The following C1orf21 variants were observed in gnomAD, a reference collection of about 807,000 sequenced individuals.
C1orf21 encodes the protein chromosome 1 open reading frame 21, also known as uncharacterized protein C1orf21.
Under a neutral mutation model 18.7 loss-of-function variants are expected in C1orf21, and 3 were observed. The ratio of observed to expected loss-of-function variants is 0.16; its 90% confidence interval spans 0.07 to 0.42. The LOEUF (loss-of-function observed/expected upper bound fraction) is 0.42. C1orf21 is among the 10% of genes least tolerant of loss of function. The pLI, the probability that C1orf21 is intolerant of heterozygous loss-of-function variation, is 0.99. For missense variants in C1orf21, 104 were observed against 143.6 expected, an observed-to-expected ratio of 0.72 and a Z score of 1.41; for synonymous variants, 41 against 46.4, an observed-to-expected ratio of 0.88 and a Z score of 0.47.
chr1:184,603,292 A>T (rs1288472326), intron 5 of C1orf21, among the ~76,000 whole-genome samples: 1 of 152,210 alleles, frequency 6.6e-6, no homozygotes, highest in East Asian at 1.9e-4. Flanking sequence ...ATGCAAACTC[A>T]TTCTTCTTCC....
intron 4 of C1orf21, among the ~76,000 whole-genome samples, chr1:184,596,974 C>T (rs142052288): frequency 6.6e-6 from 1 of 151,968 alleles, no homozygotes; most frequent in African/African-American, 2.4e-5. Flanking sequence ...TTGCATCCAA[C>T]GTGGCTCAAA....
intron 5 of C1orf21, among the ~76,000 whole-genome samples, chr1:184,619,237 G>C (rs1659878339): frequency 6.6e-6 from 1 of 152,164 alleles, no homozygotes; most frequent in African/African-American, 2.4e-5. Context: ...CTTAGTGAAA[G>C]GCTGACTCTT....
rs1655906472 is a variant in C1orf21 at position 184,387,547 on chromosome 1, C to T, written c.-125+179C>T. Among the ~76,000 whole-genome samples, 1 of 151,348 alleles carries T rather than the reference C, an allele frequency of 6.6e-6. No individual in the cohort carries two copies. The highest frequency in any genetic ancestry group is 6.6e-5 in the Admixed American group (1 of 15,208). On this transcript the variant is annotated intron_variant, in intron 1 of 5. Transcript: ENST00000235307. This position sits in a 1 kb window ranked among gnomAD's most constrained non-coding sequence, Gnocchi z 5.6. ...CTGCGCGGGGCCCGGGCCGGGGCTG[C>T]TGCTGGTGCGGGGCTGGCGGGGTTG...
intron 3 of C1orf21, among the ~76,000 whole-genome samples, chr1:184,563,501 A>G (rs1658993955): frequency 6.6e-6 from 1 of 152,202 alleles, no homozygotes; most frequent in Non-Finnish European, 1.5e-5. Flanking sequence ...AAATTGTTCA[A>G]CAGCTCCCCC....
chr1:184,416,896 A>G (rs574418951), intron 1 of C1orf21, among the ~76,000 whole-genome samples: 7 of 152,338 alleles, frequency 4.6e-5, no homozygotes, highest in African/African-American at 1.7e-4. Context: ...AAAATTCCTG[A>G]CACATTTGTT....
intron 2 of C1orf21, among the ~76,000 whole-genome samples, chr1:184,487,749 C>T (rs752198237): frequency 5.9e-5 from 9 of 152,204 alleles, no homozygotes; most frequent in East Asian, 1.9e-4. Context: ...CAGATCCTGG[C>T]TCGGCTACTC....
chr1:184,627,450 C>A lies in C1orf21; in HGVS notation c.*7894C>A, dbSNP rs7535067. ...GACAGTTCCCCTGAGAGGCTGGAGG[C>A]GTTGGTGCTGAAGGCAATTTTCCTA... On this transcript the variant is annotated 3_prime_UTR_variant, in exon 6 of 6. Transcript: ENST00000235307. 33,077 of 152,056 alleles carry A rather than the reference C, an allele frequency of 0.22. 4,392 individuals carry two copies. Among genetic ancestry groups the A allele is most frequent in the African/African-American group, 0.37 (15,140 of 41,376 alleles). The allele number at this position is 152,056 out of a possible 1,614,324, so 9.4% of individuals were successfully genotyped here. A position where few individuals can be genotyped will look rare whatever the true frequency, so the allele number is the denominator to read the frequency against.
intron 3 of C1orf21, among the ~76,000 whole-genome samples, chr1:184,512,888 T>C (rs1027717134): frequency 6.6e-6 from 1 of 152,186 alleles, no homozygotes; most frequent in African/African-American, 2.4e-5. Context: ...AAGCTTCATC[T>C]GTATTTGCAT....
At chr1:184,418,945 C>A (rs530669744) in intron 1 of C1orf21, among the ~76,000 whole-genome samples, 115 of 152,142 alleles carry the variant, frequency 7.6e-4, no homozygotes, top group Non-Finnish European at 1.5e-3. Context: ...AGTACAGCTT[C>A]TTTTTTGTGT....
At chr1:184,564,645 A>G (rs945787132) in intron 3 of C1orf21, among the ~76,000 whole-genome samples, 49 of 152,184 alleles carry the variant, frequency 3.2e-4, no homozygotes, top group African/African-American at 1.2e-3. Flanking sequence ...ACAGGAGACA[A>G]TAATACTATA....
chr1:184,586,149 ATTG>A (rs1254645626), intron 3 of C1orf21, among the ~76,000 whole-genome samples: 4 of 152,166 alleles, frequency 2.6e-5, no homozygotes, highest in Non-Finnish European at 1.5e-5. Flanking sequence ...AGCCATTCTG[ATTG>A]ATATGAGATA....
rs967722505 is a variant in C1orf21 at position 184,610,803 on chromosome 1, G to A, written c.328-8715G>A. Among the ~76,000 whole-genome samples, 9 of 146,434 alleles carry A rather than the reference G, an allele frequency of 6.1e-5. 1 individual carries two copies. Among genetic ancestry groups the A allele is most frequent in the South Asian group, 4.3e-4 (2 of 4,630 alleles). ...GCGGAGCTTGTAGTGAGCCGAGATC[G>A]CCCACTGCACTCCAGCCTGAGCAAC... On this transcript the variant is annotated intron_variant, in intron 5 of 5. Coordinates refer to ENST00000235307, the MANE Select transcript of C1orf21 (RefSeq NM_030806.4).
chr1:184,530,738 C>A (rs1269943772), intron 3 of C1orf21, among the ~76,000 whole-genome samples: 3 of 151,476 alleles, frequency 2.0e-5, no homozygotes, highest in Non-Finnish European at 4.4e-5. Context: ...TTTTATTCAG[C>A]AACTATCCTA....
At chr1:184,404,557 C>T (rs1656215756) in intron 1 of C1orf21, among the ~76,000 whole-genome samples, 1 of 152,080 alleles carries the variant, frequency 6.6e-6, no homozygotes, top group South Asian at 2.1e-4. Context: ...CCAATTCTAC[C>T]CATGAGAGTA....
rs144545354 is a variant in C1orf21, at chr1:184,428,102, G to T, written c.-125+40734G>T. ...GATGATAATAGACCCCACTTCAGTG[G>T]GTGTTGTGAGGTATCAGTACCTTCC... On this transcript the variant is annotated intron_variant, in intron 1 of 5. Transcript: ENST00000235307. Among the ~76,000 whole-genome samples, 111 of 152,286 alleles carry T rather than the reference G, an allele frequency of 7.3e-4. 1 individual carries two copies. Among genetic ancestry groups the T allele is most frequent in the Middle Eastern group, 3.4e-3 (1 of 294 alleles).
chr1:184,412,335 G>C (rs1437319081), intron 1 of C1orf21: 1 of 152,236 alleles, frequency 6.6e-6, no homozygotes, highest in East Asian at 1.9e-4. Context: ...TTCCATGCTT[G>C]GGAATGTCCT....
chr1:184,403,011 C>A (rs542130885), intron 1 of C1orf21, among the ~76,000 whole-genome samples: 5 of 152,324 alleles, frequency 3.3e-5, no homozygotes, highest in African/African-American at 9.6e-5. Context: ...AGGAGTAGGG[C>A]AGGTAGCAAG....
intron 1 of C1orf21, among the ~76,000 whole-genome samples, chr1:184,455,569 T>A (rs1231791038): frequency 6.6e-6 from 1 of 152,190 alleles, no homozygotes; most frequent in Non-Finnish European, 1.5e-5. Flanking sequence ...CAGGTGTTTT[T>A]TCCCTTTGGG....
intron 1 of C1orf21, chr1:184,408,371 A>T (rs1256578051): frequency 6.6e-6 from 1 of 152,220 alleles, no homozygotes; most frequent in Non-Finnish European, 1.5e-5. Context: ...GAAAGGAAAC[A>T]TTACTTTTCA....
Sources: gnomAD v4.1 joint callset for allele counts (sites outside exome capture counted in the v4.1 genomes callset) on GRCh38, gnomAD v4.1.1 for gene constraint, Gnocchi (gnomAD v3.1) non-coding constraint, MANE v1.5 for transcripts, NCBI Gene and HGNC (gene_info 2026-07-23, HGNC 2026-07-21) for gene names.